The following LYPLAL1 variants were observed in gnomAD, a reference collection of about 807,000 sequenced individuals.
The protein encoded by LYPLAL1 is lysophospholipase-like protein 1.
In LYPLAL1, 23 loss-of-function variants were observed where a neutral mutation model predicts 19.7. That is an observed-to-expected ratio of 1.17 (90% CI 0.84 to 1.65). The LOEUF (loss-of-function observed/expected upper bound fraction) is 1.65, where lower values mean the gene tolerates loss of function less well. Ranked by LOEUF, LYPLAL1 falls within the 40% of genes most tolerant of loss-of-function variation. The pLI is 0.00. For missense variants in LYPLAL1, 355 were observed against 279.4 expected, an observed-to-expected ratio of 1.27 and a Z score of -1.93; for synonymous variants, 119 against 96.3, an observed-to-expected ratio of 1.24 and a Z score of -1.38.
the LYPLAL1 span, among the ~76,000 whole-genome samples, chr1:219,344,732 A>T: frequency 6.6e-6 from 1 of 152,210 alleles, no homozygotes; most frequent in Admixed American, 6.5e-5. Context: ...AGTTTCTATA[A>T]TAAAATGATT....
intron 2 of LYPLAL1, among the ~76,000 whole-genome samples, chr1:219,187,316 A>T (rs185426856): frequency 6.6e-6 from 1 of 151,756 alleles, no homozygotes; most frequent in Non-Finnish European, 1.5e-5. Flanking sequence ...TATTTAATAG[A>T]TGTTTTAAAT....
chr1:219,332,751 A>T, the LYPLAL1 span, among the ~76,000 whole-genome samples: 5 of 121,710 alleles, frequency 4.1e-5, no homozygotes, highest in African/African-American at 1.2e-4. Context: ...GTTTTTTTTT[A>T]AAGCATAAAA....
At chr1:219,328,942 G>T in the LYPLAL1 span, among the ~76,000 whole-genome samples, 1 of 151,810 alleles carries the variant, frequency 6.6e-6, no homozygotes, top group South Asian at 2.1e-4. Context: ...TTTTTTTCTT[G>T]CTAATAATGA....
the LYPLAL1 span, among the ~76,000 whole-genome samples, chr1:219,247,909 G>C: frequency 6.6e-6 from 1 of 151,352 alleles, no homozygotes; most frequent in Non-Finnish European, 1.5e-5. Context: ...GGTAGAGAGG[G>C]TTAAAAAAAA....
the LYPLAL1 span, among the ~76,000 whole-genome samples, chr1:219,326,653 G>A: frequency 6.6e-6 from 1 of 152,102 alleles, no homozygotes; most frequent in African/African-American, 2.4e-5. Flanking sequence ...CCTGTAGTGT[G>A]GACCCTAGTA....
At chr1:219,334,705 T>C in the LYPLAL1 span, among the ~76,000 whole-genome samples, 6 of 151,986 alleles carry the variant, frequency 3.9e-5, no homozygotes, top group Non-Finnish European at 8.8e-5. Flanking sequence ...AGTAATTGTT[T>C]TTAGAATGAA....
the LYPLAL1 span, among the ~76,000 whole-genome samples, chr1:219,361,592 C>T: frequency 2.0e-5 from 3 of 152,034 alleles, no homozygotes; most frequent in Non-Finnish European, 4.4e-5. Flanking sequence ...CTCCACTTAG[C>T]CACATATTTT....
At chr1:219,388,313 ATCTC>A in the LYPLAL1 span, among the ~76,000 whole-genome samples, 1 of 151,480 alleles carries the variant, frequency 6.6e-6, no homozygotes, top group Non-Finnish European at 1.5e-5. Context: ...CAATGGCAGG[ATCTC>A]TCTCTCTCTC....
chr1:219,349,864 C>G, the LYPLAL1 span, among the ~76,000 whole-genome samples: 1 of 152,186 alleles, frequency 6.6e-6, no homozygotes, highest in South Asian at 2.1e-4. Context: ...GTATGTTTAT[C>G]TTGCTTTAAT....
chr1:219,247,264 G>A, the LYPLAL1 span, among the ~76,000 whole-genome samples: 2 of 152,086 alleles, frequency 1.3e-5, no homozygotes, highest in African/African-American at 2.4e-5. Context: ...ACACTCTAAC[G>A]AATGAGTAAT....
At chr1:219,301,194 C>A in the LYPLAL1 span, among the ~76,000 whole-genome samples, 2 of 152,064 alleles carry the variant, frequency 1.3e-5, no homozygotes, top group African/African-American at 4.8e-5. Context: ...CATAAATCTA[C>A]TCATTAAGCT....
the LYPLAL1 span, among the ~76,000 whole-genome samples, chr1:219,420,355 G>C: frequency 6.6e-6 from 1 of 152,170 alleles, no homozygotes; most frequent in Non-Finnish European, 1.5e-5. Context: ...ATATTAACCC[G>C]AATAATTTGC....
chr1:219,293,945 T>G, the LYPLAL1 span, among the ~76,000 whole-genome samples: 4 of 152,180 alleles, frequency 2.6e-5, no homozygotes, highest in African/African-American at 9.6e-5. Context: ...AGTCCCCATG[T>G]GTCACATGTC....
At chr1:219,228,459 A>ATATATATATATATATAT in the LYPLAL1 span, among the ~76,000 whole-genome samples, 4 of 152,126 alleles carry the variant, frequency 2.6e-5, no homozygotes, top group South Asian at 4.2e-4. Context: ...TCCAATATAG[A>ATATATATATATATATAT]AAACGTTCCC....
chr1:219,387,980 C>T, the LYPLAL1 span, among the ~76,000 whole-genome samples: 46 of 152,192 alleles, frequency 3.0e-4, no homozygotes, highest in African/African-American at 1.1e-3. Flanking sequence ...AGCCTAAACA[C>T]CACTACCTCA....
the LYPLAL1 span, among the ~76,000 whole-genome samples, chr1:219,377,975 C>T: frequency 6.6e-6 from 1 of 152,134 alleles, no homozygotes; most frequent in East Asian, 1.9e-4. Context: ...CAGAAATAGG[C>T]AATACATAAA....
At chr1:219,205,530 T>A (rs1379883409) in intron 3 of LYPLAL1, among the ~76,000 whole-genome samples, 2 of 152,096 alleles carry the variant, frequency 1.3e-5, no homozygotes, top group Non-Finnish European at 2.9e-5. Flanking sequence ...AAAATGAAAT[T>A]TAAGAGAACA....
At chr1:219,297,544 G>T in the LYPLAL1 span, among the ~76,000 whole-genome samples, 5 of 152,192 alleles carry the variant, frequency 3.3e-5, no homozygotes, top group Non-Finnish European at 5.9e-5. Flanking sequence ...AGCCACTTAG[G>T]TATAGGCTCT....
At chr1:219,278,566 G>T in the LYPLAL1 span, among the ~76,000 whole-genome samples, 1 of 152,098 alleles carries the variant, frequency 6.6e-6, no homozygotes, top group Non-Finnish European at 1.5e-5. Flanking sequence ...GGAAAGTCTG[G>T]CTCTTGAGTC....
Sources: gnomAD v4.1 joint callset for allele counts (sites outside exome capture counted in the v4.1 genomes callset) on GRCh38, gnomAD v4.1.1 for gene constraint, MANE v1.5 for transcripts, NCBI Gene and HGNC (gene_info 2026-07-23, HGNC 2026-07-21) for gene names.